Variants in KIF26B observed in about 807,000 individuals in gnomAD.
KIF26B encodes the protein kinesin family member 26B.
KIF26B carries 63 observed loss-of-function variants against 151.2 expected under a neutral mutation model. That is an observed-to-expected ratio of 0.42 (90% CI 0.34 to 0.51). The LOEUF (loss-of-function observed/expected upper bound fraction) is 0.51. Among genes scored for constraint, KIF26B ranks in the 20% least tolerant of loss-of-function variants. The probability of loss-of-function intolerance (pLI) is 0.07; values close to 1 mark genes in which losing one functional copy is unlikely to be tolerated. For synonymous variants in KIF26B, 1,357 were observed against 1,262.1 expected (o/e 1.08, Z -1.59); for missense variants, 2,813 against 2,913.6 (o/e 0.97, Z 0.79).
chr1:245,320,897 T>C (rs1274610486), intron 2 of KIF26B, among the ~76,000 whole-genome samples: 1 of 152,136 alleles, frequency 6.6e-6, no homozygotes, highest in Non-Finnish European at 1.5e-5. Context: ...AGGCTGGTCT[T>C]GAACTCTTGA....
intron 3 of KIF26B, among the ~76,000 whole-genome samples, chr1:245,368,331 T>G (rs1673012700): frequency 6.6e-6 from 1 of 152,208 alleles, no homozygotes; most frequent in African/African-American, 2.4e-5. Flanking sequence ...GTGAGTTTTC[T>G]GTTGGATGAG....
chr1:245,486,034 C>A (rs932201830), intron 4 of KIF26B, among the ~76,000 whole-genome samples: 1 of 152,226 alleles, frequency 6.6e-6, no homozygotes, highest in African/African-American at 2.4e-5. Context: ...TCTTTTCAAA[C>A]AGGACCTGAC....
At chr1:245,397,554 A>G (rs1215006544) in intron 3 of KIF26B, among the ~76,000 whole-genome samples, 3 of 152,180 alleles carry the variant, frequency 2.0e-5, no homozygotes, top group Admixed American at 6.5e-5. Flanking sequence ...TATTGTATTT[A>G]CCATACTCTC....
intron 3 of KIF26B, among the ~76,000 whole-genome samples, chr1:245,414,599 G>T (rs61831487): frequency 6.6e-6 from 1 of 152,200 alleles, no homozygotes; most frequent in South Asian, 2.1e-4. Flanking sequence ...CGGGGCTCAC[G>T]TATGGGAACT....
At chr1:245,399,823 A>G (rs1673950189) in intron 3 of KIF26B, among the ~76,000 whole-genome samples, 1 of 152,208 alleles carries the variant, frequency 6.6e-6, no homozygotes, top group Non-Finnish European at 1.5e-5. Context: ...AACTATGCCT[A>G]ACACTCGCAG....
At chr1:245,393,451 G>A (rs867435571) in intron 3 of KIF26B, among the ~76,000 whole-genome samples, 10 of 151,934 alleles carry the variant, frequency 6.6e-5, no homozygotes, top group Middle Eastern at 3.4e-3. Context: ...TTCTCCTTCC[G>A]CAAAGATGGC....
At position 245,559,007 on chromosome 1, in the gene KIF26B, C is replaced by T. The variant is rs139239961; in HGVS notation, c.1350+18057C>T. Among the ~76,000 whole-genome samples the T allele has an allele frequency of 8.9e-3, 1,348 of 152,284 alleles. 13 individuals are homozygous for T. Among genetic ancestry groups the T allele is most frequent in the African/African-American group, 0.025 (1,019 of 41,556 alleles). ...TTGTTATATGATGCACACTGAACACCATCGTGTGTTTTCTCAGTCTTTGTG... is the reference window on the plus strand; with the variant it reads ...TTGTTATATGATGCACACTGAACACTATCGTGTGTTTTCTCAGTCTTTGTG... On this transcript the variant is annotated intron_variant, in intron 5 of 14. Transcript: ENST00000407071.
At chr1:245,349,878 A>G (rs1043554987) in intron 2 of KIF26B, among the ~76,000 whole-genome samples, 3 of 152,182 alleles carry the variant, frequency 2.0e-5, no homozygotes, top group African/African-American at 7.2e-5. Flanking sequence ...ACAATTCTGC[A>G]GTCCTTTGAG....
chr1:245,280,241 CG>C (rs1402466535), intron 2 of KIF26B, among the ~76,000 whole-genome samples: 1 of 151,536 alleles, frequency 6.6e-6, no homozygotes, highest in African/African-American at 2.4e-5. Flanking sequence ...TGGCCGGGTG[CG>C]GTGGCTCACG....
intron 5 of KIF26B, among the ~76,000 whole-genome samples, chr1:245,547,516 G>A (rs1162114462): frequency 2.6e-5 from 4 of 151,312 alleles, no homozygotes; most frequent in Non-Finnish European, 5.9e-5. Context: ...AACCCGGGAG[G>A]CGGAGTTGCA....
At chr1:245,625,094 G>C (rs1323902895) in intron 9 of KIF26B, among the ~76,000 whole-genome samples, 1 of 152,094 alleles carries the variant, frequency 6.6e-6, no homozygotes, top group Admixed American at 6.6e-5. Flanking sequence ...ACTATTTCTA[G>C]ACTCTGTTCT....
chr1:245,160,735 T>C (rs566064864), intron 2 of KIF26B, among the ~76,000 whole-genome samples: 7 of 151,678 alleles, frequency 4.6e-5, no homozygotes, highest in Non-Finnish European at 1.0e-4. Context: ...GCCCCAGAAA[T>C]ATCAGGAAGA....
rs529307048 is a variant in KIF26B, at chr1:245,329,601, G to T, written c.466-37233G>T. Among the ~76,000 whole-genome samples, 3 of 152,232 alleles carry T rather than the reference G, an allele frequency of 2.0e-5. No individual in the cohort carries two copies. The South Asian group carries it at 6.2e-4, about 32-fold the overall frequency. Reference sequence around the variant, plus strand: ...TGCAGTGGCTGAATGGCTGGAGGCCGCCATGACACCCCTCATACACATTCA... The same window carrying T: ...TGCAGTGGCTGAATGGCTGGAGGCCTCCATGACACCCCTCATACACATTCA... On this transcript the variant is annotated intron_variant, in intron 2 of 14. Coordinates refer to ENST00000407071, the MANE Select transcript of KIF26B (RefSeq NM_018012.4).
chr1:245,169,133 T>C (rs1425573401), intron 2 of KIF26B, among the ~76,000 whole-genome samples: 1 of 151,984 alleles, frequency 6.6e-6, no homozygotes, highest in Non-Finnish European at 1.5e-5. Context: ...TTGGTGCCCC[T>C]CCCTCGTCCT....
At position 245,232,846 on chromosome 1, in the gene KIF26B, G is replaced by A. The variant is rs147085621; in HGVS notation, c.465+76163G>A. Among the ~76,000 whole-genome samples the A allele has an allele frequency of 4.1e-4, 62 of 152,198 alleles. 2 individuals carry two copies. The East Asian group carries it at 9.7e-3, about 24-fold the overall frequency. On this transcript the variant is annotated intron_variant, in intron 2 of 14. Transcript: ENST00000407071. ...ATTAGAGGCATGAGCCATCGCACCC[G>A]GCGGTTTCCTTCCTTTCCTCCAAAG...
intron 10 of KIF26B, among the ~76,000 whole-genome samples, chr1:245,669,082 A>G (rs1290414011): frequency 6.6e-6 from 1 of 152,202 alleles, no homozygotes; most frequent in African/African-American, 2.4e-5. Flanking sequence ...GTTATGCTTG[A>G]TTTCAAAAGA....
At chr1:245,535,422 C>A (rs1299830826) in intron 4 of KIF26B, among the ~76,000 whole-genome samples, 1 of 152,064 alleles carries the variant, frequency 6.6e-6, no homozygotes, top group Non-Finnish European at 1.5e-5. Context: ...AGATGACTTC[C>A]TCTATCACTG....
rs1356072994 is a variant in KIF26B, at chr1:245,512,570, C to A, written c.1167-28197C>A. The stretch of plus-strand genomic sequence containing the variant: ...CATCAAGGGCTGTAGCACTGGGCAC[C>A]CGAGGGGATCAGCCTAAACCCAAAT... On this transcript the variant is annotated intron_variant, in intron 4 of 14. Transcript: ENST00000407071. The surrounding 1 kb of genome is among the most constrained non-coding windows in gnomAD (Gnocchi z 4.3). 6.6e-6 allele frequency among the ~76,000 whole-genome samples: 1 copy of A among 152,108 alleles called. No individual in the cohort carries two copies. Among genetic ancestry groups the A allele is most frequent in the Admixed American group, 6.5e-5 (1 of 15,274 alleles).
At chr1:245,300,055 G>A (rs561892627) in intron 2 of KIF26B, among the ~76,000 whole-genome samples, 3 of 152,336 alleles carry the variant, frequency 2.0e-5, no homozygotes, top group African/African-American at 7.2e-5. Context: ...ACTTCTAGTC[G>A]TTTTGGTGAA....
Sources: allele counts gnomAD v4.1 joint callset (sites outside exome capture counted in the v4.1 genomes callset), GRCh38; gene constraint gnomAD v4.1.1; non-coding constraint Gnocchi (gnomAD v3.1); transcripts MANE v1.5; gene names NCBI Gene and HGNC (gene_info 2026-07-23, HGNC 2026-07-21).